NTM: variants seen among roughly 807,000 people sequenced by gnomAD.
NTM encodes the protein neurotrimin.
A neutral mutation model predicts 42.1 loss-of-function variants in NTM; 13 were observed. That is an observed-to-expected ratio of 0.31 (90% CI 0.20 to 0.49). NTM has a LOEUF of 0.49. NTM is among the 20% of genes least tolerant of loss of function. The pLI is 0.99. For missense variants in NTM, 373 were observed against 452.8 expected (o/e 0.82, Z 1.60); for synonymous variants, 187 against 179.2 (o/e 1.04, Z -0.35).
At chr11:131,469,654 GATTGC>G (rs1952238500) in intron 1 of NTM, among the ~76,000 whole-genome samples, 2 of 152,212 alleles carry the variant, frequency 1.3e-5, no homozygotes, top group Admixed American at 1.3e-4. Flanking sequence ...TTTAGGACAA[GATTGC>G]CTGGGGCTAA....
chr11:132,104,583 C>G (rs972719377), intron 2 of NTM, among the ~76,000 whole-genome samples: 14 of 140,366 alleles, frequency 1.0e-4, no homozygotes, highest in Non-Finnish European at 2.0e-4. Flanking sequence ...GGGACCCCCC[C>G]CCACCAAAAA....
At chr11:131,700,667 T>A (rs1330699762) in intron 1 of NTM, among the ~76,000 whole-genome samples, 1 of 152,252 alleles carries the variant, frequency 6.6e-6, no homozygotes, top group Non-Finnish European at 1.5e-5. Context: ...GTTGGATGCC[T>A]TCCAGGCACC....
intron 2 of NTM, among the ~76,000 whole-genome samples, chr11:131,996,276 C>T (rs948157797): frequency 1.2e-4 from 18 of 151,970 alleles, no homozygotes; most frequent in Admixed American, 7.2e-4. Context: ...AAGCAGTCAC[C>T]CTGCTGTTCC....
chr11:132,256,993 C>T (rs541670158), intron 4 of NTM, among the ~76,000 whole-genome samples: 34 of 152,314 alleles, frequency 2.2e-4, no homozygotes, highest in Non-Finnish European at 3.5e-4. Context: ...TCTGTCACCG[C>T]GCCCCATCAC....
At chr11:131,707,030 CATT>C (rs1287017911) in intron 1 of NTM, among the ~76,000 whole-genome samples, 4 of 151,852 alleles carry the variant, frequency 2.6e-5, no homozygotes, top group African/African-American at 4.8e-5. Context: ...TCAAAATATA[CATT>C]ATTATTAACT....
chr11:131,508,679 T>C (rs1259683875), intron 1 of NTM, among the ~76,000 whole-genome samples: 1 of 150,816 alleles, frequency 6.6e-6, no homozygotes, highest in African/African-American at 2.5e-5. Context: ...ATGTGGCACA[T>C]ATACACCATG....
chr11:131,413,252 C>G (rs1946604749), intron 1 of NTM, among the ~76,000 whole-genome samples: 1 of 152,186 alleles, frequency 6.6e-6, no homozygotes, highest in Non-Finnish European at 1.5e-5. Context: ...TTAAAATGAA[C>G]TAATCATTTT....
rs540172931 is a variant in NTM at position 131,693,802 on chromosome 11, C to A, written c.83-217762C>A. Among the ~76,000 whole-genome samples, 22 of 152,314 alleles carry A rather than the reference C, an allele frequency of 1.4e-4. No homozygotes were observed. The South Asian group carries it at 4.6e-3, about 32-fold the overall frequency. ...CACTATGGAGTGTCTCTCTCCTCCCCTCTCCACTGTCATTTCCTCCATAAT... is the reference window on the plus strand; with the variant it reads ...CACTATGGAGTGTCTCTCTCCTCCCATCTCCACTGTCATTTCCTCCATAAT... On this transcript the variant is annotated intron_variant, in intron 1 of 8. Transcript: ENST00000683400.
At chr11:132,140,025 A>C (rs1480814402) in intron 2 of NTM, among the ~76,000 whole-genome samples, 1 of 152,250 alleles carries the variant, frequency 6.6e-6, no homozygotes, top group Non-Finnish European at 1.5e-5. Context: ...AATTTTTACA[A>C]TAAACAAAAG....
At chr11:131,597,558 G>A (rs910251627) in intron 1 of NTM, among the ~76,000 whole-genome samples, 2 of 152,154 alleles carry the variant, frequency 1.3e-5, no homozygotes, top group African/African-American at 4.8e-5. Context: ...GCAAGTTCCT[G>A]TTCCTATTTC....
chr11:131,937,970 A>G (rs1212057327), intron 2 of NTM, among the ~76,000 whole-genome samples: 1 of 152,162 alleles, frequency 6.6e-6, no homozygotes, highest in Non-Finnish European at 1.5e-5. Context: ...GTCGTTTGCT[A>G]TGTCTGGATC....
chr11:131,391,223 C>G lies in NTM; in HGVS notation c.82+20335C>G, dbSNP rs142048967. On this transcript the variant is annotated intron_variant, in intron 1 of 8. Transcript: ENST00000683400. The stretch of plus-strand genomic sequence containing the variant: ...CAGAAAGGCCAACTTGCCCAGGTCT[C>G]TATGTTTCCTGAGTCTGTACCCTTA... Among the ~76,000 whole-genome samples the G allele has an allele frequency of 7.8e-3, 1,181 of 152,282 alleles. 10 individuals carry two copies. The highest frequency in any genetic ancestry group is 0.013 in the Non-Finnish European group (872 of 68,034).
intron 1 of NTM, among the ~76,000 whole-genome samples, chr11:131,449,900 A>G (rs188731315): frequency 2.0e-4 from 30 of 152,152 alleles, no homozygotes; most frequent in Non-Finnish European, 3.8e-4. Flanking sequence ...GGCAGCTTCT[A>G]CCTACTCACT....
At chr11:131,964,930 G>A (rs555300079) in intron 2 of NTM, among the ~76,000 whole-genome samples, 1 of 152,090 alleles carries the variant, frequency 6.6e-6, no homozygotes, top group Non-Finnish European at 1.5e-5. Flanking sequence ...AGAGGCACTC[G>A]GGCATTACCA....
Position 132,139,648 on chromosome 11 carries a change from C to T in NTM, c.168-6634C>T, listed in dbSNP as rs377356309. Among the ~76,000 whole-genome samples the T allele has an allele frequency of 1.2e-3, 180 of 152,280 alleles. 1 individual carries two copies. Among genetic ancestry groups the T allele is most frequent in the African/African-American group, 4.1e-3 (170 of 41,564 alleles). ...AGTGGAGGGGGACTGCCTCCTTGCA[C>T]GATTCTCACACACAGTGACCAGGTG... is the stretch of plus-strand genomic sequence containing the variant. On this transcript the variant is annotated intron_variant, in intron 2 of 8. Coordinates refer to ENST00000683400, the MANE Select transcript of NTM (RefSeq NM_001352005.2).
At chr11:131,851,114 G>T (rs573508352) in intron 1 of NTM, among the ~76,000 whole-genome samples, 4 of 152,264 alleles carry the variant, frequency 2.6e-5, no homozygotes, top group African/African-American at 9.6e-5. Flanking sequence ...AGCTCTTCAT[G>T]TCTAAAGGAG....
At chr11:132,287,853 C>A (rs1284346375) in intron 4 of NTM, among the ~76,000 whole-genome samples, 1 of 152,086 alleles carries the variant, frequency 6.6e-6, no homozygotes, top group East Asian at 1.9e-4. Flanking sequence ...TATGGGTACA[C>A]ATGAAAAGCA....
At chr11:131,553,207 A>G (rs1331444221) in intron 1 of NTM, among the ~76,000 whole-genome samples, 2 of 152,176 alleles carry the variant, frequency 1.3e-5, no homozygotes, top group Non-Finnish European at 2.9e-5. Context: ...AGCTGGCAAT[A>G]TTCTATTTCT....
chr11:132,227,930 C>G (rs1377163141), intron 4 of NTM, among the ~76,000 whole-genome samples: 1 of 152,104 alleles, frequency 6.6e-6, no homozygotes, highest in East Asian at 1.9e-4. Context: ...ATCCCCAGTC[C>G]CTCCCCAAGG....
Sources: allele counts gnomAD v4.1 joint callset (sites outside exome capture counted in the v4.1 genomes callset), GRCh38; gene constraint gnomAD v4.1.1; transcripts MANE v1.5; gene names NCBI Gene and HGNC (gene_info 2026-07-23, HGNC 2026-07-21).